The following RSRC1 variants were observed in gnomAD, a reference collection of about 807,000 sequenced individuals.
The protein encoded by RSRC1 is arginine and serine rich coiled-coil 1.
A neutral mutation model predicts 49.1 loss-of-function variants in RSRC1; 39 were observed. The ratio of observed to expected loss-of-function variants is 0.79; its 90% CI spans 0.61 to 1.04. RSRC1 has a LOEUF of 1.04. Among genes scored for constraint, RSRC1 ranks in the 50% least tolerant of loss-of-function variants. The pLI, the probability that RSRC1 is intolerant of heterozygous loss-of-function variation, is 0.00. For missense variants in RSRC1, 388 were observed against 402.4 expected (o/e 0.96, Z 0.31); for synonymous variants, 143 against 130.8 (o/e 1.09, Z -0.63).
chr3:158,202,844 T>G lies in RSRC1; in HGVS notation c.321-228T>G, dbSNP rs1430824917. Among the ~76,000 whole-genome samples, 4 of 151,986 alleles carry G rather than the reference T, an allele frequency of 2.6e-5. No individual in the cohort carries two copies. In the East Asian group the frequency reaches 5.8e-4, roughly 22 times the overall value. On this transcript the variant is annotated intron_variant, in intron 3 of 9. Transcript: ENST00000611884. ...ATTTGAACCTTTAAGGCAAACACTT[T>G]TTAACTGCATCATAATTTCCTATAA...
chr3:158,128,783 C>T (rs555670054), intron 3 of RSRC1, among the ~76,000 whole-genome samples: 9 of 152,300 alleles, frequency 5.9e-5, no homozygotes, highest in Admixed American at 3.9e-4. Flanking sequence ...GAGAGTTCCT[C>T]ATCCAAAGAT....
chr3:158,156,378 G>C (rs564718543), intron 3 of RSRC1, among the ~76,000 whole-genome samples: 2 of 152,226 alleles, frequency 1.3e-5, no homozygotes, highest in East Asian at 1.9e-4. Flanking sequence ...AGCCCACTCA[G>C]ATTTTCTTGC....
intron 7 of RSRC1, among the ~76,000 whole-genome samples, chr3:158,474,806 A>G (rs1738294970): frequency 1.3e-5 from 2 of 152,182 alleles, no homozygotes; most frequent in South Asian, 2.1e-4. Flanking sequence ...TACTGTACCT[A>G]CAGAGGAACT....
intron 3 of RSRC1, among the ~76,000 whole-genome samples, chr3:158,182,038 G>T (rs1250215425): frequency 1.3e-5 from 2 of 152,132 alleles, no homozygotes; most frequent in Non-Finnish European, 2.9e-5. Context: ...ATGGGAAAAA[G>T]AAATATAGAA....
intron 7 of RSRC1, among the ~76,000 whole-genome samples, chr3:158,483,580 T>C (rs2108438916): frequency 6.6e-6 from 1 of 152,214 alleles, no homozygotes; most frequent in Non-Finnish European, 1.5e-5. Context: ...ATATTGATGC[T>C]TACTTGAAAA....
At chr3:158,421,487 G>T (rs549595417) in intron 6 of RSRC1, among the ~76,000 whole-genome samples, 1 of 151,874 alleles carries the variant, frequency 6.6e-6, no homozygotes, top group Non-Finnish European at 1.5e-5. Context: ...AGTAATTAAA[G>T]TGAAAGATTC....
chr3:158,348,593 T>TA (rs1560004705), intron 5 of RSRC1, among the ~76,000 whole-genome samples: 1 of 151,796 alleles, frequency 6.6e-6, no homozygotes. Context: ...TATTTTTTTT[T>TA]ATTTTAGAGT....
At chr3:158,464,966 A>T (rs546342453) in intron 7 of RSRC1, among the ~76,000 whole-genome samples, 2 of 152,106 alleles carry the variant, frequency 1.3e-5, no homozygotes, top group Non-Finnish European at 2.9e-5. Flanking sequence ...ATCAGTGCTC[A>T]AAAATAATAT....
intron 4 of RSRC1, among the ~76,000 whole-genome samples, chr3:158,253,390 CTT>C (rs1208030467): frequency 2.6e-5 from 4 of 152,012 alleles, no homozygotes; most frequent in Non-Finnish European, 5.9e-5. Context: ...CAAAATTCCT[CTT>C]CTTTTTGATT....
At chr3:158,461,395 A>G (rs1227426940) in intron 7 of RSRC1, among the ~76,000 whole-genome samples, 1 of 151,946 alleles carries the variant, frequency 6.6e-6, no homozygotes, top group African/African-American at 2.4e-5. Flanking sequence ...TTTAAAGTTG[A>G]GAGAACATTG....
intron 6 of RSRC1, among the ~76,000 whole-genome samples, chr3:158,454,307 G>T (rs1261654230): frequency 6.6e-6 from 1 of 151,814 alleles, no homozygotes; most frequent in Non-Finnish European, 1.5e-5. Flanking sequence ...TGTAAAATGG[G>T]GGTAATAATT....
chr3:158,301,156 A>T (rs1727523333), intron 5 of RSRC1, among the ~76,000 whole-genome samples: 1 of 151,730 alleles, frequency 6.6e-6, no homozygotes. Context: ...CATTCTCCTC[A>T]GCTTAATTTT....
In RSRC1 at chr3:158,154,842, C is replaced by A. The variant is rs182035632; in HGVS notation, c.320+30851C>A. 4.6e-5 allele frequency among the ~76,000 whole-genome samples: 7 copies of A among 152,250 alleles called. No homozygotes were observed. In the East Asian group the frequency reaches 1.4e-3, roughly 29 times the overall value. On this transcript the variant is annotated intron_variant, in intron 3 of 9. Transcript: ENST00000611884. Reference sequence around the variant, plus strand: ...ACTAAGTTTATGTAACATTTAAATCCTTTGCCGTGATTTCAGCAGTATTTA... The same window carrying A: ...ACTAAGTTTATGTAACATTTAAATCATTTGCCGTGATTTCAGCAGTATTTA...
intron 6 of RSRC1, among the ~76,000 whole-genome samples, chr3:158,387,529 C>T (rs1733031025): frequency 6.6e-6 from 1 of 152,134 alleles, no homozygotes; most frequent in South Asian, 2.1e-4. Context: ...GAACCATCCA[C>T]ACCAAATTCA....
At chr3:158,183,628 C>G (rs1719759703) in intron 3 of RSRC1, among the ~76,000 whole-genome samples, 5 of 151,964 alleles carry the variant, frequency 3.3e-5, no homozygotes, top group Admixed American at 2.6e-4. Flanking sequence ...CCTAAAGATT[C>G]CTTTTCAGCT....
rs895306854 is a variant in RSRC1, at chr3:158,305,682, G to A, written c.531+7607G>A. 4.6e-5 allele frequency among the ~76,000 whole-genome samples: 7 copies of A among 152,110 alleles called. No homozygotes were observed. The South Asian group carries it at 8.3e-4, about 18-fold the overall frequency. The stretch of plus-strand genomic sequence containing the variant: ...GGTATTAGGAGTTAAGATGGAGAAC[G>A]CCTTTGCCACAGTGCTATCTTTAAT... On this transcript the variant is annotated intron_variant, in intron 5 of 9. Transcript: ENST00000611884.
At chr3:158,246,446 A>G (rs1354793295) in intron 4 of RSRC1, among the ~76,000 whole-genome samples, 1 of 151,304 alleles carries the variant, frequency 6.6e-6, no homozygotes, top group East Asian at 1.9e-4. Flanking sequence ...TCCTGTCATC[A>G]TGATGCTAAC....
chr3:158,540,987 G>T (rs1460791639), intron 8 of RSRC1, among the ~76,000 whole-genome samples: 1 of 152,174 alleles, frequency 6.6e-6, no homozygotes, highest in Non-Finnish European at 1.5e-5. Context: ...CTGTATGAGG[G>T]CACTTTCCTG....
At chr3:158,287,079 G>T (rs1384762260) in intron 4 of RSRC1, among the ~76,000 whole-genome samples, 7 of 152,170 alleles carry the variant, frequency 4.6e-5, no homozygotes, top group African/African-American at 1.7e-4. Flanking sequence ...ACCTGTCTCA[G>T]CCTCCCAAAG....
Sources: gnomAD v4.1 joint callset for allele counts (sites outside exome capture counted in the v4.1 genomes callset) on GRCh38, gnomAD v4.1.1 for gene constraint, MANE v1.5 for transcripts, NCBI Gene and HGNC (gene_info 2026-07-23, HGNC 2026-07-21) for gene names.